VMP1: variants seen among roughly 807,000 people sequenced by gnomAD.
VMP1 encodes ectopic P-granules autophagy protein 3 homolog.
Under a neutral mutation model 56.0 loss-of-function variants are expected in VMP1, and 11 were observed. The ratio of observed to expected loss-of-function variants is 0.20; its 90% CI spans 0.12 to 0.32. The LOEUF is 0.32. Among genes scored for constraint, VMP1 ranks in the 10% least tolerant of loss-of-function variants. The probability of loss-of-function intolerance (pLI) is 1.00; values close to 1 mark genes in which losing one functional copy is unlikely to be tolerated. For synonymous variants in VMP1, 149 were observed against 165.0 expected, an observed-to-expected ratio of 0.90 and a Z score of 0.74; for missense variants, 296 against 490.3, an observed-to-expected ratio of 0.60 and a Z score of 3.74.
chr17:59,835,792 A>G (rs905642176), intron 10 of VMP1, among the ~76,000 whole-genome samples: 5 of 150,288 alleles, frequency 3.3e-5, no homozygotes, highest in African/African-American at 1.2e-4. Flanking sequence ...TCCCGGCCAC[A>G]TAAATTTGCA....
In VMP1 at chr17:59,838,100, C is replaced by CTT. The variant is rs371074488; in HGVS notation, c.975-175_975-174dup. On this transcript the variant is annotated intron_variant, in intron 10 of 11. Coordinates refer to ENST00000262291, the MANE Select transcript of VMP1 (RefSeq NM_030938.5). The stretch of plus-strand genomic sequence containing the variant: ...GGGGTTGTTAGATGGAGTAAATTTT[C>CTT]TTTTTTTTTTTTTTTTTTTTTAACT... 1,276 of 129,308 alleles carry CTT rather than the reference C, an allele frequency of 9.9e-3. 12 individuals are homozygous for CTT. The highest frequency in any genetic ancestry group is 0.035 in the African/African-American group (1,011 of 28,950). 8.0% of individuals were successfully genotyped at this position (129,308 alleles called of 1,614,324 possible).
At chr17:59,753,973 A>G (rs574868125) in intron 5 of VMP1, among the ~76,000 whole-genome samples, 1 of 152,276 alleles carries the variant, frequency 6.6e-6, no homozygotes, top group South Asian at 2.1e-4. Flanking sequence ...CCTTTGAATG[A>G]TATCTGTGAG....
intron 5 of VMP1, among the ~76,000 whole-genome samples, chr17:59,749,674 C>A (rs968185443): frequency 6.6e-6 from 1 of 151,872 alleles, no homozygotes; most frequent in African/African-American, 2.4e-5. Context: ...CCACACCTGG[C>A]TAGTTTTTGT....
chr17:59,721,234 T>C (rs2034384201), intron 1 of VMP1, among the ~76,000 whole-genome samples: 1 of 151,668 alleles, frequency 6.6e-6, no homozygotes, highest in South Asian at 2.1e-4. Context: ...TAATTCCAGC[T>C]ACTCGGGAGG....
At chr17:59,751,615 G>T (rs889146542) in intron 5 of VMP1, among the ~76,000 whole-genome samples, 7 of 147,200 alleles carry the variant, frequency 4.8e-5, no homozygotes, top group Non-Finnish European at 1.0e-4. Flanking sequence ...GGTGGGGGGG[G>T]CGCCTGTAAT....
intron 3 of VMP1, among the ~76,000 whole-genome samples, chr17:59,736,505 A>G (rs1253503788): frequency 6.7e-6 from 1 of 149,256 alleles, no homozygotes; most frequent in Non-Finnish European, 1.5e-5. Context: ...GCCATTTGGG[A>G]GGCTGAGGTG....
In VMP1 at chr17:59,840,635, C is replaced by T. The variant is rs141096699; in HGVS notation, c.*724C>T. ...GAGCGTTTTGATTTTTTACTTTTAG[C>T]TTATACCAGCTGAATGGCAGCCTTG... On this transcript the variant is annotated 3_prime_UTR_variant, in exon 12 of 12. Coordinates refer to ENST00000262291, the MANE Select transcript of VMP1 (RefSeq NM_030938.5). 6.6e-6 allele frequency: 1 copy of T among 152,560 alleles called. No homozygotes were observed. Among genetic ancestry groups the T allele is most frequent in the Non-Finnish European group, 1.5e-5 (1 of 68,036 alleles). 9.5% of individuals were successfully genotyped at this position (152,560 alleles called of 1,614,324 possible). A position where few individuals can be genotyped will look rare whatever the true frequency, so the allele number is the denominator to read the frequency against.
chr17:59,749,794 G>A (rs1388935188), intron 5 of VMP1, among the ~76,000 whole-genome samples: 1 of 152,096 alleles, frequency 6.6e-6, no homozygotes, highest in African/African-American at 2.4e-5. Flanking sequence ...ACAGGCATGA[G>A]CTACCATGCC....
chr17:59,808,245 C>G (rs143261616), intron 7 of VMP1, among the ~76,000 whole-genome samples: 2 of 152,310 alleles, frequency 1.3e-5, no homozygotes, highest in African/African-American at 4.8e-5. Flanking sequence ...ATAATAATAT[C>G]CACTATACCT....
chr17:59,754,788 A>G (rs2035775968), intron 5 of VMP1, among the ~76,000 whole-genome samples: 1 of 152,194 alleles, frequency 6.6e-6, no homozygotes, highest in African/African-American at 2.4e-5. Context: ...TCTGCTGAGC[A>G]TCACCACATC....
intron 7 of VMP1, among the ~76,000 whole-genome samples, chr17:59,796,581 G>A (rs1422711936): frequency 6.6e-6 from 1 of 152,036 alleles, no homozygotes; most frequent in Non-Finnish European, 1.5e-5. Flanking sequence ...TGCACAAAAA[G>A]TACATTTTTT....
chr17:59,809,069 G>A (rs547331227), intron 8 of VMP1, among the ~76,000 whole-genome samples, 193 bp downstream of exon 8: 3 of 151,152 alleles, frequency 2.0e-5, no homozygotes, highest in Non-Finnish European at 2.9e-5. Context: ...GCATGATCTC[G>A]GCTCACTGCA....
intron 1 of VMP1, among the ~76,000 whole-genome samples, chr17:59,716,312 GT>G (rs1291284202): frequency 6.6e-6 from 1 of 152,218 alleles, no homozygotes. Context: ...AAAGTAGGGA[GT>G]TTCAGATAGT....
At chr17:59,816,124 C>G (rs1435640967) in intron 9 of VMP1, among the ~76,000 whole-genome samples, 1 of 152,172 alleles carries the variant, frequency 6.6e-6, no homozygotes, top group African/African-American at 2.4e-5. Context: ...CATTTTTTGT[C>G]TAACCCAGAA....
intron 7 of VMP1, among the ~76,000 whole-genome samples, chr17:59,787,016 A>G (rs960024880): frequency 1.3e-5 from 2 of 152,328 alleles, no homozygotes; most frequent in East Asian, 3.9e-4. Flanking sequence ...CCTGGTAGAT[A>G]GTCTTTCACA....
chr17:59,765,515 T>C (rs2036199965), intron 6 of VMP1, among the ~76,000 whole-genome samples: 1 of 152,204 alleles, frequency 6.6e-6, no homozygotes, highest in South Asian at 2.1e-4. Context: ...TAGCCTACTG[T>C]TGAACGGAAG....
intron 6 of VMP1, among the ~76,000 whole-genome samples, chr17:59,771,287 C>G (rs1194968578): frequency 6.6e-6 from 1 of 152,038 alleles, no homozygotes; most frequent in Non-Finnish European, 1.5e-5. Flanking sequence ...ATCCTCCCAC[C>G]TCAGCCTCCT....
At chr17:59,773,668 G>C (rs2036518729) in intron 6 of VMP1, 86 bp from the exon 7 acceptor site, 1 of 1,283,358 alleles carries the variant, frequency 7.8e-7, no homozygotes, top group East Asian at 2.6e-5. Flanking sequence ...AATGCTTCTG[G>C]TGATATAGAA....
Position 59,839,865 on chromosome 17 carries a change from C to T in VMP1, c.1175C>T (p.Ala392Val), listed in dbSNP as rs1469221629. 4 of 1,612,464 alleles carry T rather than the reference C, an allele frequency of 2.5e-6. No homozygotes were observed. Among genetic ancestry groups the T allele is most frequent in the Non-Finnish European group, 3.4e-6 (4 of 1,179,772 alleles). Residue 392 changes from alanine to valine, a missense_variant, in exon 12 of 12, where the codon GCC becomes GTC. Physicochemically the swap from Ala to Val is moderately conservative, Grantham distance 64. Transcript: ENST00000262291. ...SIINSMAQSY[A>V]KRIQQRLNSE... is the part of the protein sequence containing the mutation. ...ATTAACTCCATGGCACAAAGTTATG[C>T]CAAACGAATCCAGCAGCGGTTGAAC...
Sources: allele counts gnomAD v4.1 joint callset (sites outside exome capture counted in the v4.1 genomes callset), GRCh38; gene constraint gnomAD v4.1.1; transcripts MANE v1.5; gene names NCBI Gene and HGNC (gene_info 2026-07-23, HGNC 2026-07-21).